Variants in PTPRN2 observed in about 807,000 individuals in gnomAD.
The protein encoded by PTPRN2 is protein tyrosine phosphatase receptor type N2, also known as receptor-type tyrosine-protein phosphatase N2.
A neutral mutation model predicts 118.8 loss-of-function variants in PTPRN2; 74 were observed. The ratio of observed to expected loss-of-function variants is 0.62; its 90% CI spans 0.52 to 0.76. The LOEUF is 0.76. Among genes scored for constraint, PTPRN2 ranks in the 30% least tolerant of loss-of-function variants. The pLI is 0.00. For synonymous variants in PTPRN2, 641 were observed against 608.0 expected (o/e 1.05, Z -0.80); for missense variants, 1,481 against 1,394.4 (o/e 1.06, Z -0.99).
chr7:158,129,563 C>T (rs539314709), intron 9 of PTPRN2, among the ~76,000 whole-genome samples: 1 of 151,690 alleles, frequency 6.6e-6, no homozygotes, highest in African/African-American at 2.4e-5. Context: ...GCAACACATA[C>T]CACATGCAAC....
At chr7:158,192,572 G>A (rs1335600541) in intron 4 of PTPRN2, 77 bp from the exon 5 acceptor site, 1 of 1,466,910 alleles carries the variant, frequency 6.8e-7, no homozygotes, top group East Asian at 2.6e-5. Context: ...TGTGGTGCCT[G>A]GGTGCATGCA....
chr7:158,516,369 C>T (rs1319090133), intron 1 of PTPRN2, among the ~76,000 whole-genome samples: 1 of 152,234 alleles, frequency 6.6e-6, no homozygotes, highest in Non-Finnish European at 1.5e-5. Flanking sequence ...CAATAACATG[C>T]AGCCTCTTCT....
At chr7:158,253,988 T>C (rs1250651689) in intron 3 of PTPRN2, among the ~76,000 whole-genome samples, 12 of 22,702 alleles carry the variant, frequency 5.3e-4, no homozygotes, top group African/African-American at 2.5e-3. Flanking sequence ...CGACCCGCCC[T>C]CCATCTCCAC....
intron 3 of PTPRN2, among the ~76,000 whole-genome samples, chr7:158,235,757 A>T (rs1829490103): frequency 6.6e-6 from 1 of 151,874 alleles, no homozygotes; most frequent in African/African-American, 2.4e-5. Flanking sequence ...TCCTGGCACA[A>T]AGAAAAGATG....
intron 11 of PTPRN2, among the ~76,000 whole-genome samples, chr7:157,936,188 A>T (rs966797046): frequency 6.6e-6 from 1 of 152,110 alleles, no homozygotes; most frequent in Non-Finnish European, 1.5e-5. Context: ...AGATGCTTGA[A>T]TTTTTTCTCA....
intron 2 of PTPRN2, among the ~76,000 whole-genome samples, chr7:158,356,069 T>C (rs188916282): frequency 2.6e-5 from 4 of 152,304 alleles, no homozygotes; most frequent in African/African-American, 9.6e-5. Context: ...CACACACATA[T>C]AAATCAATGG....
At chr7:157,958,120 C>T (rs569694543) in intron 11 of PTPRN2, among the ~76,000 whole-genome samples, 3 of 152,210 alleles carry the variant, frequency 2.0e-5, no homozygotes, top group Admixed American at 6.5e-5. Context: ...ACGCAATACA[C>T]CCCACTAACA....
intron 13 of PTPRN2, among the ~76,000 whole-genome samples, chr7:157,675,921 G>T (rs945600454): frequency 2.0e-5 from 3 of 151,580 alleles, no homozygotes; most frequent in African/African-American, 4.8e-5. Flanking sequence ...TGGAGAAAAA[G>T]TTAAAAGATG....
At chr7:158,557,195 GGCTCCCACGCAGGTC>G (rs1203451266) in intron 1 of PTPRN2, among the ~76,000 whole-genome samples, 228 of 120,782 alleles carry the variant, frequency 1.9e-3, no homozygotes, top group African/African-American at 6.4e-3. Flanking sequence ...CAGGTCAGGC[GGCTCCCACGCAGGTC>G]GCTCCCACGC....
intron 2 of PTPRN2, among the ~76,000 whole-genome samples, chr7:158,446,517 C>T (rs1013630976): frequency 6.6e-6 from 1 of 151,974 alleles, no homozygotes; most frequent in Admixed American, 6.5e-5. Context: ...CCACAGCCAC[C>T]CCCAGCGGGC....
rs1826145331 is a variant in PTPRN2, at chr7:158,544,081, G to A, written c.112+43477C>T. Among the ~76,000 whole-genome samples the A allele has an allele frequency of 6.6e-6, 1 of 152,218 alleles. No individual in the cohort carries two copies. Among genetic ancestry groups the A allele is most frequent in the South Asian group, 2.1e-4 (1 of 4,830 alleles). On this transcript the variant is annotated intron_variant, in intron 1 of 22. Transcript: ENST00000389418. The surrounding 1 kb of genome is among the most constrained non-coding windows in gnomAD (Gnocchi z 4.2). ...CAAGGAAGCAGAGGAGGCGGTGAGT[G>A]CCCCACGCTCAGGAGTGCACCCGGT...
At chr7:158,457,555 TCAAAACTCCTTCCAA>T (rs1818618945) in intron 2 of PTPRN2, among the ~76,000 whole-genome samples, 1 of 106,098 alleles carries the variant, frequency 9.4e-6, no homozygotes, top group Non-Finnish European at 2.0e-5. Context: ...AAAGCCACCG[TCAAAACTCCTTCCAA>T]GTTCATTAGC....
At chr7:158,301,167 T>G (rs930948520) in intron 3 of PTPRN2, among the ~76,000 whole-genome samples, 1 of 152,194 alleles carries the variant, frequency 6.6e-6, no homozygotes, top group African/African-American at 2.4e-5. Context: ...TATAACTAGT[T>G]CCTTTAGGGG....
intron 11 of PTPRN2, among the ~76,000 whole-genome samples, chr7:158,033,138 G>A (rs544128102): frequency 2.1e-5 from 2 of 94,354 alleles, no homozygotes; most frequent in African/African-American, 5.1e-5. Flanking sequence ...CAGCCTAAGC[G>A]GCAGTGGCCA....
At chr7:158,151,018 AG>A (rs1170254805) in intron 6 of PTPRN2, among the ~76,000 whole-genome samples, 1 of 147,300 alleles carries the variant, frequency 6.8e-6, no homozygotes, top group East Asian at 2.0e-4. Context: ...CTATGCGGGA[AG>A]CCAGGCCCTG....
chr7:157,904,313 C>T (rs1411385462), intron 11 of PTPRN2, among the ~76,000 whole-genome samples: 1 of 152,224 alleles, frequency 6.6e-6, no homozygotes, highest in African/African-American at 2.4e-5. Flanking sequence ...CCGGTTCCTT[C>T]ACAGGAGGAG....
At chr7:157,963,729 T>C (rs1161438200) in intron 11 of PTPRN2, among the ~76,000 whole-genome samples, 2 of 152,164 alleles carry the variant, frequency 1.3e-5, no homozygotes, top group Non-Finnish European at 2.9e-5. Flanking sequence ...CTCAGTGAGG[T>C]CCCCTTGGCT....
intron 9 of PTPRN2, among the ~76,000 whole-genome samples, chr7:158,132,947 A>G (rs898923737): frequency 6.6e-6 from 1 of 152,300 alleles, no homozygotes; most frequent in Admixed American, 6.5e-5. Context: ...CACCAATTCT[A>G]TCACTTGAAG....
chr7:158,406,903 A>T (rs1813489008), intron 2 of PTPRN2, among the ~76,000 whole-genome samples: 1 of 152,210 alleles, frequency 6.6e-6, no homozygotes, highest in African/African-American at 2.4e-5. Flanking sequence ...TTTATCTCTC[A>T]ACATGGAATC....
Sources: allele counts gnomAD v4.1 joint callset (sites outside exome capture counted in the v4.1 genomes callset), GRCh38; gene constraint gnomAD v4.1.1; non-coding constraint Gnocchi (gnomAD v3.1); transcripts MANE v1.5; gene names NCBI Gene and HGNC (gene_info 2026-07-23, HGNC 2026-07-21).